Variants in CCDC33 observed in about 807,000 individuals in gnomAD.
The protein encoded by CCDC33 is coiled-coil domain-containing protein 33.
A neutral mutation model predicts 91.9 loss-of-function variants in CCDC33; 94 were observed. The observed-to-expected ratio is 1.02, with a 90% CI of 0.87 to 1.21. The LOEUF (loss-of-function observed/expected upper bound fraction) is 1.21, where lower values mean the gene tolerates loss of function less well. Among genes scored for constraint, CCDC33 ranks in the 50% most tolerant of loss-of-function variants. CCDC33 has a pLI of 0.00. For missense variants in CCDC33, 940 were observed against 935.5 expected, an observed-to-expected ratio of 1.00 and a Z score of -0.06; for synonymous variants, 396 against 374.5, an observed-to-expected ratio of 1.06 and a Z score of -0.66.
chr15:74,331,375 G>C, intron 15 of CCDC33, 79 bp downstream of exon 15: 1 of 1,453,716 alleles, frequency 6.9e-7, no homozygotes, highest in South Asian at 1.2e-5. Flanking sequence ...GAGCCTCTCA[G>C]CTTCAGGAGA....
At chr15:74,208,203 C>T in intron 1 of CCDC33, 1 of 334,686 alleles carries the variant, frequency 3.0e-6, no homozygotes, top group Non-Finnish European at 4.5e-6. Flanking sequence ...GATTTCAGCT[C>T]AGAACAAAGG....
intron 7 of CCDC33, among the ~76,000 whole-genome samples, chr15:74,274,249 G>C (rs973101448): frequency 6.6e-6 from 1 of 152,228 alleles, no homozygotes; most frequent in African/African-American, 2.4e-5. Context: ...AGGGCTGTGT[G>C]TTTGAGTATG....
intron 2 of CCDC33, among the ~76,000 whole-genome samples, chr15:74,229,102 C>T (rs1595894605): frequency 6.6e-6 from 1 of 152,336 alleles, no homozygotes; most frequent in Non-Finnish European, 1.5e-5. Flanking sequence ...AGGCTCCCCA[C>T]AAGCACCTCA....
chr15:74,216,470 G>A (rs1317012527), upstream of CCDC33, among the ~76,000 whole-genome samples: 3 of 145,696 alleles, frequency 2.1e-5, no homozygotes, highest in African/African-American at 7.7e-5. Context: ...TGAAGAAACT[G>A]AATTTTAATC....
intron 6 of CCDC33, among the ~76,000 whole-genome samples, 182 bp downstream of exon 6, chr15:74,271,976 C>T (rs1396923131): frequency 6.6e-6 from 1 of 152,200 alleles, no homozygotes; most frequent in Non-Finnish European, 1.5e-5. Flanking sequence ...CAGACCATGC[C>T]TTTCTTTCCC....
At chr15:74,221,175 G>C in intron 2 of CCDC33, 1 of 970,368 alleles carries the variant, frequency 1.0e-6, no homozygotes, top group East Asian at 1.2e-4. Context: ...TTGGTTGTAG[G>C]CTCACAAGTT....
chr15:74,209,526 G>C, exon 2 of CCDC33: 1 of 1,273,190 alleles, frequency 7.9e-7, no homozygotes, highest in South Asian at 1.4e-5. Flanking sequence ...TTCAGGGCTG[G>C]AATTCCAGGT....
rs141468659 is a variant in CCDC33, at chr15:74,225,575, A to G, written c.675+6714A>G. On this transcript the variant is annotated intron_variant, in intron 2 of 2. Coordinates refer to the CCDC33 transcript ENST00000635913. Reference sequence around the variant, plus strand: ...ATGATAGATTCACCCCGAGACACCAATGGACATGCCTGGGAAGCGCACATC... The same window carrying G: ...ATGATAGATTCACCCCGAGACACCAGTGGACATGCCTGGGAAGCGCACATC... Among the ~76,000 whole-genome samples the G allele has an allele frequency of 9.4e-4, 143 of 151,804 alleles. 1 individual carries two copies. The highest frequency in any genetic ancestry group is 2.9e-3 in the Admixed American group (45 of 15,272).
intron 2 of CCDC33, among the ~76,000 whole-genome samples, chr15:74,222,588 A>G (rs1331917100): frequency 2.6e-5 from 4 of 151,622 alleles, no homozygotes; most frequent in Non-Finnish European, 5.9e-5. Flanking sequence ...CCAAGGGGAA[A>G]AAAAGGAGAA....
At chr15:74,248,037 A>G (rs1187459891) in intron 2 of CCDC33, among the ~76,000 whole-genome samples, 1 of 152,176 alleles carries the variant, frequency 6.6e-6, no homozygotes, top group African/African-American at 2.4e-5. Context: ...AGACTGTGCC[A>G]GTGCACTCCA....
intron 2 of CCDC33, among the ~76,000 whole-genome samples, chr15:74,223,723 T>TACACACACACACACACACAC (rs55820464): frequency 7.1e-5 from 8 of 112,268 alleles, no homozygotes; most frequent in African/African-American, 1.9e-4. Context: ...ACCGCCAGCA[T>TACACACACACACACACACAC]ACACACACAC....
At chr15:74,283,459 T>G (rs1249074656) in intron 10 of CCDC33, among the ~76,000 whole-genome samples, 1 of 152,206 alleles carries the variant, frequency 6.6e-6, no homozygotes, top group Non-Finnish European at 1.5e-5. Context: ...GTTTCCCCAT[T>G]GCCCAGGGGC....
intron 2 of CCDC33, among the ~76,000 whole-genome samples, chr15:74,254,311 G>A (rs1399344359): frequency 1.3e-5 from 2 of 152,210 alleles, no homozygotes; most frequent in Non-Finnish European, 2.9e-5. Context: ...GATTACAGGC[G>A]TGAGCCACTG....
rs117811751 is a variant in CCDC33, at chr15:74,219,544, G to C, written c.675+683G>C. The stretch of plus-strand genomic sequence containing the variant: ...AGCACCTAAGCTCAGGGTGTCGCCT[G>C]GCTTGAAGACAGTTGGGTATAGTGA... On this transcript the variant is annotated intron_variant, in intron 2 of 2. Transcript: ENST00000635913. Among the ~76,000 whole-genome samples, 181 of 152,296 alleles carry C rather than the reference G, an allele frequency of 1.2e-3. 3 individuals are homozygous for C. The East Asian group carries it at 0.03, about 25-fold the overall frequency.
At chr15:74,281,640 G>T in intron 9 of CCDC33, 138 bp from the exon 10 acceptor site, 2 of 733,764 alleles carry the variant, frequency 2.7e-6, no homozygotes, top group Non-Finnish European at 2.3e-6. Flanking sequence ...AAAGCAGGAG[G>T]CCAGCTCCCA....
intron 11 of CCDC33, among the ~76,000 whole-genome samples, chr15:74,319,897 T>C (rs776416736): frequency 2.2e-4 from 34 of 152,120 alleles, no homozygotes; most frequent in Non-Finnish European, 3.8e-4. Flanking sequence ...TTTCTAGGCA[T>C]CATCTCTGCT....
chr15:74,286,117 G>A (rs2059468971), intron 10 of CCDC33, among the ~76,000 whole-genome samples: 1 of 152,134 alleles, frequency 6.6e-6, no homozygotes, highest in African/African-American at 2.4e-5. Context: ...GTGGTGGTGG[G>A]TGCCTGTAAT....
chr15:74,314,782 G>A (rs1322482269), intron 11 of CCDC33, among the ~76,000 whole-genome samples: 1 of 152,216 alleles, frequency 6.6e-6, no homozygotes, highest in Admixed American at 6.5e-5. Context: ...AATGGAAATG[G>A]AGGGCTGTGT....
chr15:74,233,231 A>G (rs1192934937), upstream of CCDC33, among the ~76,000 whole-genome samples: 4 of 152,306 alleles, frequency 2.6e-5, no homozygotes, highest in African/African-American at 9.6e-5. Context: ...TATGTAAGAA[A>G]CATGAGGCAG....
Sources: allele counts gnomAD v4.1 joint callset (sites outside exome capture counted in the v4.1 genomes callset), GRCh38; gene constraint gnomAD v4.1.1; transcripts MANE v1.5; gene names NCBI Gene and HGNC (gene_info 2026-07-23, HGNC 2026-07-21).